Variants in ITGA10 observed in about 807,000 individuals in gnomAD.
ITGA10 encodes the protein integrin subunit alpha 10.
A neutral mutation model predicts 145.2 loss-of-function variants in ITGA10; 105 were observed. The ratio of observed to expected loss-of-function variants is 0.72; its 90% confidence interval spans 0.62 to 0.85. The LOEUF (loss-of-function observed/expected upper bound fraction) is 0.85. Ranked by LOEUF, ITGA10 falls within the 40% of genes least tolerant of loss-of-function variation. The pLI is 0.00. For missense variants in ITGA10, 1,317 were observed against 1,444.5 expected (o/e 0.91, Z 1.43); for synonymous variants, 506 against 557.8 (o/e 0.91, Z 1.31).
intron 27 of ITGA10, 82 bp from the exon 28 acceptor site, chr1:145,893,717 T>A (rs1181498462): frequency 5.5e-6 from 6 of 1,087,336 alleles, no homozygotes; most frequent in African/African-American, 1.6e-5. Context: ...ACAGCAAAGT[T>A]GAGGCTGAGA....
chr1:145,898,513 C>T (rs2101776226), intron 17 of ITGA10, among the ~76,000 whole-genome samples: 1 of 152,056 alleles, frequency 6.6e-6, no homozygotes, highest in South Asian at 2.1e-4. Flanking sequence ...GGACTACAGG[C>T]ACCTGCCACC....
At chr1:145,907,923 A>T (rs1657384008) in intron 1 of ITGA10, among the ~76,000 whole-genome samples, 1 of 150,492 alleles carries the variant, frequency 6.6e-6, no homozygotes, top group Non-Finnish European at 1.5e-5. Context: ...GGCGCCTGCC[A>T]CCTCGCCCGG....
rs192618773 is a variant in ITGA10 at position 145,897,028 on chromosome 1, C to G, written c.2727G>C (p.Val909=). 1.2e-6 allele frequency: 2 copies of G among 1,614,122 alleles called. No individual in the cohort carries two copies. The highest frequency in any genetic ancestry group is 4.5e-5 in the East Asian group (2 of 44,888). ...SCSSLLSQVF[V]KLTASSDSLE... The stretch of plus-strand genomic sequence containing the variant: ...ATTCTCACCTGCTGGCAGTCAGCTT[C>G]ACGAAGACCTGGCTCAGGAGAGAGG... Residue 909 remains valine (V), a synonymous_variant, in exon 22 of 30, where the codon GTG becomes GTC. Coordinates refer to ENST00000369304, the MANE Select transcript of ITGA10 (RefSeq NM_003637.5).
At chr1:145,907,566 C>T (rs1280640104) in intron 1 of ITGA10, 101 bp from the exon 2 acceptor site, 18 of 1,544,104 alleles carry the variant, frequency 1.2e-5, no homozygotes, top group Non-Finnish European at 8.7e-7. Context: ...GTCTGCCTGC[C>T]TGCTTTTTCA....
chr1:145,906,065 G>T, intron 5 of ITGA10: 1 of 279,404 alleles, frequency 3.6e-6, no homozygotes, highest in Non-Finnish European at 7.0e-6. Context: ...GAGATTACAG[G>T]CATGCACTAG....
At chr1:145,905,275 G>C (rs999040397) in intron 5 of ITGA10, among the ~76,000 whole-genome samples, 1 of 149,756 alleles carries the variant, frequency 6.7e-6, no homozygotes, top group Non-Finnish European at 1.5e-5. Flanking sequence ...AGGCATGTGG[G>C]TAGAGAACAT....
chr1:145,899,828 C>T (rs587696450), intron 15 of ITGA10, among the ~76,000 whole-genome samples: 7 of 152,092 alleles, frequency 4.6e-5, no homozygotes, highest in African/African-American at 1.4e-4. Context: ...CACTTCAATA[C>T]GCACTTACAT....
At chr1:145,905,151 T>C (rs944465494) in intron 5 of ITGA10, among the ~76,000 whole-genome samples, 9 of 152,084 alleles carry the variant, frequency 5.9e-5, no homozygotes, top group African/African-American at 1.9e-4. Flanking sequence ...TGTAGGAACA[T>C]AGCAATGACT....
At position 145,900,203 on chromosome 1, in the gene ITGA10, A is replaced by G. The variant is rs782775463; in HGVS notation, c.1792-16T>C. 5.6e-6 allele frequency: 9 copies of G among 1,606,478 alleles called. No homozygotes were observed. Among genetic ancestry groups the G allele is most frequent in the Non-Finnish European group, 7.7e-6 (9 of 1,176,268 alleles). Reference sequence around the variant, plus strand: ...CAGCAATCCTCTGAGAGGAAGAGAGAGAATACTGAGGCAGGGACCCATACA... The same window carrying G: ...CAGCAATCCTCTGAGAGGAAGAGAGGGAATACTGAGGCAGGGACCCATACA... On this transcript the variant is annotated splice_polypyrimidine_tract_variant and intron_variant, in intron 14 of 29. Transcript: ENST00000369304.
At chr1:145,902,988 A>G in intron 7 of ITGA10, 27 bp from the exon 8 acceptor site, 1 of 1,547,948 alleles carries the variant, frequency 6.5e-7, no homozygotes, top group Admixed American at 1.9e-5. Context: ...GTGAGGTGAG[A>G]TCAGATGTAT....
At chr1:145,900,661 G>T in intron 14 of ITGA10, 129 bp downstream of exon 14, 2 of 923,236 alleles carry the variant, frequency 2.2e-6, no homozygotes, top group Non-Finnish European at 3.3e-6. Context: ...ACTGCCTTAT[G>T]TTTTTGCCTA....
Position 145,895,706 on chromosome 1 carries a change from G to C in ITGA10, c.3039C>G (p.Ser1013Arg). The C allele has an allele frequency of 6.2e-7, 1 of 1,614,186 alleles. No homozygotes were observed. Among genetic ancestry groups the C allele is most frequent in the Non-Finnish European group, 8.5e-7 (1 of 1,179,998 alleles). ...SLSQVITNNA[S>R]CIVQNLTEPP... Reference sequence around the variant, plus strand: ...GTTCAGTCAGGTTCTGCACTATGCAGCTTGCCTAGAGGAAGATCCAACTTG... The same window carrying C: ...GTTCAGTCAGGTTCTGCACTATGCACCTTGCCTAGAGGAAGATCCAACTTG... The change falls in exon 26 of 30, where the codon AGC becomes AGG. Residue 1013 changes from serine to arginine, a missense_variant. Transcript: ENST00000369304.
rs868970115 is a variant in ITGA10, at chr1:145,906,321, C to T, written c.481+73G>A. The stretch of plus-strand genomic sequence containing the variant: ...TGCAGGCCCTTTGCCAGGCATCATA[C>T]CGCTTTGCCCCATCTTTTTCCCACC... On this transcript the variant is annotated intron_variant, in intron 5 of 29. Transcript: ENST00000369304. The T allele has an allele frequency of 1.1e-5, 13 of 1,136,544 alleles. No homozygotes were observed. In the Middle Eastern group the frequency reaches 7.8e-4, roughly 69 times the overall value. The allele number at this position is 1,136,544 out of a possible 1,614,324, so 70.4% of individuals were successfully genotyped here.
chr1:145,904,297 A>G (rs1656802850), intron 6 of ITGA10, 97 bp from the exon 7 acceptor site: 1 of 1,180,258 alleles, frequency 8.5e-7, no homozygotes, highest in Non-Finnish European at 1.2e-6. Flanking sequence ...GAACACCTGG[A>G]TACTACTGAA....
At position 145,904,052 on chromosome 1, in the gene ITGA10, C is replaced by T. The variant is rs1553750182; in HGVS notation, c.758G>A (p.Cys253Tyr). The change falls in exon 7 of 30, where the codon TGC becomes TAC. Residue 253 changes from cysteine (C) to tyrosine (Y), a missense_variant and splice_region_variant. By Grantham distance (194) the Cys-to-Tyr change is radical. Transcript: ENST00000369304. Reference sequence around the variant, plus strand: ...CACACCTGTCTTCCCAATGCCTCACCAGGCCACCATTATTGCTTGGGCAGT... The same window carrying T: ...CACACCTGTCTTCCCAATGCCTCACTAGGCCACCATTATTGCTTGGGCAGT... ...TKTAQAIMVACTEGFSQSHGG... is the reference protein window; with the variant it reads ...TKTAQAIMVAYTEGFSQSHGG... The T allele has an allele frequency of 1.9e-6, 3 of 1,613,896 alleles. No individual in the cohort carries two copies. Among genetic ancestry groups the T allele is most frequent in the Admixed American group, 1.7e-5 (1 of 60,006 alleles).
rs147295859 is a variant in ITGA10 at position 145,899,983 on chromosome 1, T to C, written c.1922+74A>G. ...GTTGACCAAGAAAACCAAATCTCCA[T>C]CTGTGACTTTAAGGCCCTTGCCTTT... is the stretch of plus-strand genomic sequence containing the variant. On this transcript the variant is annotated intron_variant, in intron 15 of 29. Coordinates refer to ENST00000369304, the MANE Select transcript of ITGA10 (RefSeq NM_003637.5). 4,131 of 1,467,326 alleles carry C rather than the reference T, an allele frequency of 2.8e-3. 9 individuals carry two copies. The highest frequency in any genetic ancestry group is 0.017 in the Middle Eastern group (74 of 4,424). The allele number at this position is 1,467,326 out of a possible 1,614,324, so 90.9% of individuals were successfully genotyped here.
In ITGA10 at chr1:145,901,958, C is replaced by T. The variant is rs1656390729; in HGVS notation, c.1213G>A (p.Gly405Arg). The change falls in exon 11 of 30, where the codon GGA becomes AGA. Residue 405 changes from glycine (G) to arginine (R), a missense_variant. Gly to Arg is a moderately radical substitution (Grantham distance 125). Coordinates refer to ENST00000369304, the MANE Select transcript of ITGA10 (RefSeq NM_003637.5). The surrounding 1 kb of genome is among the most constrained non-coding windows in gnomAD (Gnocchi z 4.3). ...CGTGGGGGGAAAAGGCGGTGGCCTCCTTCAAGCCATAGCACAGAGCCTCCC... is the reference window on the plus strand; with the variant it reads ...CGTGGGGGGAAAAGGCGGTGGCCTCTTTCAAGCCATAGCACAGAGCCTCCC... The part of the protein sequence containing the change: ...DWGGSVLWLE[G>R]GHRLFPPRMA... The T allele has an allele frequency of 6.2e-7, 1 of 1,614,138 alleles. No homozygotes were observed. Among genetic ancestry groups the T allele is most frequent in the Non-Finnish European group, 8.5e-7 (1 of 1,180,012 alleles).
chr1:145,894,115 C>CTTTTTT (rs782196018), intron 27 of ITGA10, among the ~76,000 whole-genome samples: 1 of 133,468 alleles, frequency 7.5e-6, no homozygotes, highest in Non-Finnish European at 1.6e-5. Flanking sequence ...GTAGTGGTTT[C>CTTTTTT]TTTTTTTTTT....
Position 145,907,038 on chromosome 1 carries a change from C to A in ITGA10, c.274+3G>T. ...GGAGGAGAAGGGTCAGGCATCTTCT[C>A]ACCTAAGTGGCCCTTGGCACATGGG... is the stretch of plus-strand genomic sequence containing the variant. On this transcript the variant is annotated splice_donor_region_variant and intron_variant, in intron 3 of 29. Transcript: ENST00000369304. The A allele has an allele frequency of 6.5e-7, 1 of 1,537,248 alleles. No homozygotes were observed. Among genetic ancestry groups the A allele is most frequent in the East Asian group, 2.4e-5 (1 of 42,032 alleles).
Sources: gnomAD v4.1 joint callset for allele counts (sites outside exome capture counted in the v4.1 genomes callset) on GRCh38, gnomAD v4.1.1 for gene constraint, Gnocchi (gnomAD v3.1) non-coding constraint, MANE v1.5 for transcripts, NCBI Gene and HGNC (gene_info 2026-07-23, HGNC 2026-07-21) for gene names.